SLC36A3: variants seen among roughly 807,000 people sequenced by gnomAD.
SLC36A3 encodes solute carrier family 36 member 3.
Under a neutral mutation model 44.3 loss-of-function variants are expected in SLC36A3, and 35 were observed. The ratio of observed to expected loss-of-function variants is 0.79; its 90% CI spans 0.60 to 1.05. The LOEUF is 1.05. Ranked by LOEUF, SLC36A3 falls within the 50% of genes least tolerant of loss-of-function variation. SLC36A3 has a pLI of 0.00. For synonymous variants in SLC36A3, 211 were observed against 227.6 expected, an observed-to-expected ratio of 0.93 and a Z score of 0.66; for missense variants, 540 against 578.7, an observed-to-expected ratio of 0.93 and a Z score of 0.69.
At chr5:151,282,333 T>G (rs966040278) in intron 8 of SLC36A3, among the ~76,000 whole-genome samples, 1 of 152,088 alleles carries the variant, frequency 6.6e-6, no homozygotes, top group African/African-American at 2.4e-5. Flanking sequence ...CATGTCCAGC[T>G]AATTTTATAT....
intron 5 of SLC36A3, among the ~76,000 whole-genome samples, chr5:151,288,035 G>A (rs1042655492): frequency 3.3e-5 from 5 of 152,214 alleles, no homozygotes; most frequent in African/African-American, 1.2e-4. Flanking sequence ...TGAGGGGAAG[G>A]TGGCAGCTTG....
Position 151,277,369 on chromosome 5 carries a change from A to T in SLC36A3, c.*24T>A. 6.2e-7 allele frequency: 1 copy of T among 1,610,186 alleles called. No homozygotes were observed. The highest frequency in any genetic ancestry group is 8.5e-7 in the Non-Finnish European group (1 of 1,176,998). On this transcript the variant is annotated 3_prime_UTR_variant, in exon 10 of 10. Coordinates refer to ENST00000335230, the MANE Select transcript of SLC36A3 (RefSeq NM_181774.4). ...CAAACTGGGGATGGGAGGAAGGGAGAGCTATTAGAATAAAAACAGATAATT... is the reference window on the plus strand; with the variant it reads ...CAAACTGGGGATGGGAGGAAGGGAGTGCTATTAGAATAAAAACAGATAATT...
intron 1 of SLC36A3, among the ~76,000 whole-genome samples, chr5:151,299,264 C>CTCTATATATATATATATATA: frequency 1.7e-5 from 1 of 59,646 alleles, no homozygotes; most frequent in Non-Finnish European, 3.1e-5. Context: ...CTCTCTCTCT[C>CTCTATATATATATATATATA]TATATATATA....
intron 5 of SLC36A3, among the ~76,000 whole-genome samples, chr5:151,287,900 C>T (rs762637975): frequency 1.3e-5 from 2 of 152,138 alleles, no homozygotes; most frequent in African/African-American, 4.8e-5. Flanking sequence ...TTGAATATTC[C>T]GTCTACAATA....
rs1426170995 is a variant in SLC36A3 at position 151,276,484 on chromosome 5, T to C, written c.*909A>G. On this transcript the variant is annotated 3_prime_UTR_variant, in exon 10 of 10. Transcript: ENST00000335230. ...TCCATTGTATGGCTACATCACAATT[T>C]ATTTATCCATTCTCTTGTTTATAGA... Among the ~76,000 whole-genome samples, 1 of 152,248 alleles carries C rather than the reference T, an allele frequency of 6.6e-6. No homozygotes were observed. Among genetic ancestry groups the C allele is most frequent in the Non-Finnish European group, 1.5e-5 (1 of 68,040 alleles).
At chr5:151,303,064 C>G (rs1755218757) in intron 1 of SLC36A3, among the ~76,000 whole-genome samples, 163 bp downstream of exon 1, 1 of 152,198 alleles carries the variant, frequency 6.6e-6, no homozygotes, top group South Asian at 2.1e-4. Context: ...GCCAGAGCCA[C>G]AGGGATTGAC....
chr5:151,296,345 G>T, intron 2 of SLC36A3, 77 bp from the exon 3 acceptor site: 1 of 1,248,688 alleles, frequency 8.0e-7, no homozygotes, highest in Non-Finnish European at 1.2e-6. Context: ...CAGTCTGCGT[G>T]CTGGGGCCTG....
At chr5:151,292,517 C>A (rs898070954) in intron 4 of SLC36A3, among the ~76,000 whole-genome samples, 1 of 152,150 alleles carries the variant, frequency 6.6e-6, no homozygotes, top group Non-Finnish European at 1.5e-5. Context: ...AAAAACCCAC[C>A]CTGCCTACCT....
At chr5:151,280,247 G>T (rs1754257619) in intron 9 of SLC36A3, among the ~76,000 whole-genome samples, 1 of 152,148 alleles carries the variant, frequency 6.6e-6, no homozygotes, top group Non-Finnish European at 1.5e-5. Context: ...TTGAGATCAG[G>T]ATTTTGAGAC....
At position 151,298,643 on chromosome 5, in the gene SLC36A3, C is replaced by T. The variant is rs2127272296; in HGVS notation, c.169G>A (p.Gly57Ser). Residue 57 changes from glycine to serine, a missense_variant, in exon 2 of 10, where the codon GGC becomes AGC. Coordinates refer to ENST00000335230, the MANE Select transcript of SLC36A3 (RefSeq NM_181774.4). ...AGGGGAAGCCCCAGGAGCCCTGTGCCAATGTTGCATTTCAACAAGTGGATC... is the reference window on the plus strand; with the variant it reads ...AGGGGAAGCCCCAGGAGCCCTGTGCTAATGTTGCATTTCAACAAGTGGATC... ...TLIHLLKCNI[G>S]TGLLGLPLAI... 6.2e-7 allele frequency: 1 copy of T among 1,614,144 alleles called. No individual in the cohort carries two copies. Among genetic ancestry groups the T allele is most frequent in the Middle Eastern group, 1.6e-4 (1 of 6,062 alleles).
chr5:151,284,046 G>T lies in SLC36A3; in HGVS notation c.972C>A (p.Cys324Ter), dbSNP rs775464211. 1 of 1,610,050 alleles carries T rather than the reference G, an allele frequency of 6.2e-7. No homozygotes were observed. Among genetic ancestry groups the T allele is most frequent in the Admixed American group, 1.7e-5 (1 of 59,240 alleles). ...CACCTGAGGTGGGCAGGACATACCA[G>T]CAATTGGGCAAGTTGAGGGTGATGC... ...QASITLNLPN[C>*]WLYQSVKLMY... The change falls in exon 8 of 10, where the codon TGC becomes TGA. Residue 324 changes from cysteine (C) to a stop codon, truncating the protein, a stop_gained and splice_region_variant. Coordinates refer to ENST00000335230, the MANE Select transcript of SLC36A3 (RefSeq NM_181774.4). LOFTEE classifies it high-confidence loss of function.
At chr5:151,299,748 C>G (rs1465686413) in intron 1 of SLC36A3, among the ~76,000 whole-genome samples, 1 of 152,226 alleles carries the variant, frequency 6.6e-6, no homozygotes, top group African/African-American at 2.4e-5. Flanking sequence ...AAGCCATTAG[C>G]TGCTTTGATC....
intron 4 of SLC36A3, 81 bp downstream of exon 4, chr5:151,293,283 T>G (rs1754827257): frequency 1.6e-6 from 2 of 1,236,332 alleles, no homozygotes; most frequent in South Asian, 2.8e-5. Flanking sequence ...AGCATATTCA[T>G]TTAAAACCTG....
chr5:151,281,047 G>C lies in SLC36A3; in HGVS notation c.1111C>G (p.Leu371Val). The C allele has an allele frequency of 1.9e-6, 3 of 1,614,178 alleles. No homozygotes were observed. Among genetic ancestry groups the C allele is most frequent in the Non-Finnish European group, 2.5e-6 (3 of 1,180,032 alleles). ...CAGACCAAGGCTGAGCGGACAGACA[G>C]GTCTACAAACAGTGCCCAGCTCTCT... ...VSESWALFVD[L>V]SVRSALVCLT... Residue 371 changes from leucine (L) to valine (V), a missense_variant, in exon 9 of 10, where the codon CTG becomes GTG. By Grantham distance (32) the Leu-to-Val change is conservative. Coordinates refer to ENST00000335230, the MANE Select transcript of SLC36A3 (RefSeq NM_181774.4).
chr5:151,281,172 G>T lies in SLC36A3; in HGVS notation c.986C>A (p.Ser329Ter). Residue 329 changes from serine (S) to a stop codon, truncating the protein, a stop_gained, in exon 9 of 10, where the codon TCA becomes TAA. Transcript: ENST00000335230. LOFTEE classifies it high-confidence loss of function. ...LNLPNCWLYQ[S>*]VKLMYSIGIF... ...GCCGATAGAGTACATCAGCTTGACT[G>T]ACTGGTACAACCTGCAGACACATGA... 1 of 1,610,250 alleles carries T rather than the reference G, an allele frequency of 6.2e-7. No homozygotes were observed. Among genetic ancestry groups the T allele is most frequent in the South Asian group, 1.1e-5 (1 of 90,232 alleles).
Position 151,287,298 on chromosome 5 carries a change from G to C in SLC36A3, c.656C>G (p.Ala219Gly). The part of the protein sequence containing the change: ...LKVLSVFSTL[A>G]NITTLGSMAL... ...CATGCTCCCAAGGGTGGTGATGTTG[G>C]CCAATGTCGAGAAGACGGACAGCAC... Residue 219 changes from alanine to glycine, a missense_variant, in exon 6 of 10, where the codon GCC becomes GGC. Coordinates refer to ENST00000335230, the MANE Select transcript of SLC36A3 (RefSeq NM_181774.4). 6.2e-7 allele frequency: 1 copy of C among 1,614,138 alleles called. No homozygotes were observed. The highest frequency in any genetic ancestry group is 8.5e-7 in the Non-Finnish European group (1 of 1,180,020).
chr5:151,295,917 C>T (rs143620726), intron 3 of SLC36A3, among the ~76,000 whole-genome samples: 4 of 152,180 alleles, frequency 2.6e-5, no homozygotes, highest in East Asian at 1.9e-4. Context: ...TTATCACTTT[C>T]GATGCTTTCA....
intron 6 of SLC36A3, among the ~76,000 whole-genome samples, chr5:151,285,048 A>G (rs1305188941): frequency 6.6e-6 from 1 of 152,128 alleles, no homozygotes; most frequent in African/African-American, 2.4e-5. Context: ...ATAACGCCCC[A>G]CTACCCAGCC....
intron 4 of SLC36A3, among the ~76,000 whole-genome samples, chr5:151,289,753 A>C (rs781103858): frequency 2.6e-5 from 4 of 152,202 alleles, no homozygotes; most frequent in Non-Finnish European, 5.9e-5. Flanking sequence ...ACTTTTAGCA[A>C]GAATACTACA....
Sources: gnomAD v4.1 joint callset for allele counts (sites outside exome capture counted in the v4.1 genomes callset) on GRCh38, gnomAD v4.1.1 for gene constraint, MANE v1.5 for transcripts, NCBI Gene and HGNC (gene_info 2026-07-23, HGNC 2026-07-21) for gene names.